Variants in ALG5 observed in about 807,000 individuals in gnomAD.
The protein encoded by ALG5 is ALG5 dolichyl-phosphate beta-glucosyltransferase, also known as dolichyl-phosphate beta-glucosyltransferase.
In ALG5, 26 loss-of-function variants were observed where a neutral mutation model predicts 51.8. That is an observed-to-expected ratio of 0.50 (90% CI 0.37 to 0.70). ALG5 has a LOEUF of 0.70. ALG5 is among the 30% of genes least tolerant of loss of function. The probability of loss-of-function intolerance (pLI) is 0.00; values close to 1 mark genes in which losing one functional copy is unlikely to be tolerated. For missense variants in ALG5, 311 were observed against 399.3 expected (o/e 0.78, Z 1.88); for synonymous variants, 141 against 136.1 (o/e 1.04, Z -0.25).
chr13:36,967,714 T>C (rs2138794372), intron 7 of ALG5: 2 of 730,514 alleles, frequency 2.7e-6, no homozygotes, highest in South Asian at 1.4e-5. Flanking sequence ...TAAAATACTT[T>C]AGGAATCTCA....
chr13:36,999,157 G>A (rs2059070664), intron 1 of ALG5, 78 bp downstream of exon 1: 10 of 1,326,096 alleles, frequency 7.5e-6, no homozygotes, highest in Non-Finnish European at 1.0e-5. Context: ...TAGCGCGGAG[G>A]AGGGGACGCC....
intron 7 of ALG5, among the ~76,000 whole-genome samples, chr13:36,969,521 T>TTTTATTTA (rs759883964): frequency 4.6e-5 from 7 of 151,758 alleles, no homozygotes; most frequent in Non-Finnish European, 1.5e-5. Context: ...TTTTTATTTA[T>TTTTATTTA]TTTATTTATT....
intron 6 of ALG5, among the ~76,000 whole-genome samples, chr13:36,980,367 TG>T (rs1415389621): frequency 2.0e-5 from 3 of 152,068 alleles, no homozygotes; most frequent in East Asian, 3.9e-4. Flanking sequence ...CCCGAGTAGC[TG>T]GGCTTACAGG....
chr13:36,953,230 G>C (rs572260167), intron 8 of ALG5, among the ~76,000 whole-genome samples: 208 of 152,278 alleles, frequency 1.4e-3, no homozygotes, highest in Middle Eastern at 3.4e-3. Context: ...ATAGGAATCT[G>C]ATATATTGTC....
rs147706418 is a variant in ALG5, at chr13:36,976,287, A to C, written c.562-4251T>G. Among the ~76,000 whole-genome samples, 6 of 150,906 alleles carry C rather than the reference A, an allele frequency of 4.0e-5. No homozygotes were observed. The East Asian group carries it at 1.2e-3, about 30-fold the overall frequency. ...ACTAAAAATACAAAAACTAGCCAGG[A>C]GTGGTGGTGCATGCCTGTAATCCCA... On this transcript the variant is annotated intron_variant, in intron 6 of 9. Coordinates refer to ENST00000239891, the MANE Select transcript of ALG5 (RefSeq NM_013338.5).
chr13:36,995,702 C>CA (rs2059046421), intron 1 of ALG5, 106 bp from the exon 2 acceptor site: 1 of 1,087,526 alleles, frequency 9.2e-7, no homozygotes, highest in Non-Finnish European at 1.3e-6. Flanking sequence ...GTTGAATACT[C>CA]ACTCTCAGGT....
chr13:36,976,886 C>G (rs1252223318), intron 6 of ALG5, among the ~76,000 whole-genome samples: 1 of 152,136 alleles, frequency 6.6e-6, no homozygotes, highest in Non-Finnish European at 1.5e-5. Flanking sequence ...GTTAAAAGTT[C>G]AAATAGCATA....
intron 8 of ALG5, among the ~76,000 whole-genome samples, chr13:36,960,972 A>G (rs932605945): frequency 6.6e-6 from 1 of 152,072 alleles, no homozygotes; most frequent in Admixed American, 6.6e-5. Flanking sequence ...ATAAATGGAA[A>G]GAATTTAGGT....
chr13:36,978,269 C>T (rs189423264), intron 6 of ALG5, among the ~76,000 whole-genome samples: 134 of 149,292 alleles, frequency 9.0e-4, no homozygotes, highest in Middle Eastern at 7.0e-3. Context: ...CTCACTGCAA[C>T]CTCCGCCTTC....
rs2058926232 is a variant in ALG5, at chr13:36,972,009, G to A, written c.589C>T (p.Arg197Ter). The change falls in exon 7 of 10, where the codon CGA becomes TGA. Residue 197 changes from arginine (R) to a stop codon, truncating the protein, a stop_gained. Coordinates refer to ENST00000239891, the MANE Select transcript of ALG5 (RefSeq NM_013338.5). LOFTEE classifies it high-confidence loss of function. ...PNQMAIACGSRAHLEKESIAQ... is the reference protein window; with the variant it reads ...PNQMAIACGS ...ATTGATTCTTTTTCTAAATGAGCTC[G>A]AGATCCACATGCTATAGCCATTTGA... 4 of 1,604,430 alleles carry A rather than the reference G, an allele frequency of 2.5e-6. No homozygotes were observed. Among genetic ancestry groups the A allele is most frequent in the Non-Finnish European group, 3.4e-6 (4 of 1,174,742 alleles).
chr13:36,990,276 C>T (rs2059020097), intron 4 of ALG5, among the ~76,000 whole-genome samples: 1 of 152,230 alleles, frequency 6.6e-6, no homozygotes, highest in African/African-American at 2.4e-5. Flanking sequence ...TTTCGGTCCA[C>T]TGTAGTAGGG....
chr13:36,957,106 C>T (rs1014283558), intron 8 of ALG5, among the ~76,000 whole-genome samples: 1 of 151,892 alleles, frequency 6.6e-6, no homozygotes, highest in Non-Finnish European at 1.5e-5. Context: ...GCATTGATAG[C>T]ACCCATCAGA....
In ALG5 at chr13:36,974,769, CAT is replaced by C. The variant is rs961968857; in HGVS notation, c.562-2735_562-2734del. On this transcript the variant is annotated intron_variant, in intron 6 of 9. Coordinates refer to ENST00000239891, the MANE Select transcript of ALG5 (RefSeq NM_013338.5). ...TTATTTTGAAAAAAATTCTAGATAT[CAT>C]ATGTTACAAATTCATATAATGTCAA... Among the ~76,000 whole-genome samples the C allele has an allele frequency of 2.4e-4, 36 of 151,614 alleles. No homozygotes were observed. The East Asian group carries it at 4.3e-3, about 18-fold the overall frequency.
chr13:36,984,100 ATTT>A (rs776760270), intron 6 of ALG5, among the ~76,000 whole-genome samples: 5 of 139,912 alleles, frequency 3.6e-5, no homozygotes, highest in Admixed American at 7.2e-5. Context: ...TAGTTCTGTA[ATTT>A]TTTTTTTTTT....
At chr13:36,995,326 A>G in intron 2 of ALG5, 99 bp downstream of exon 2, 1 of 1,260,150 alleles carries the variant, frequency 7.9e-7, no homozygotes, top group Non-Finnish European at 1.1e-6. Flanking sequence ...CACAGCCCAC[A>G]TCTATTAATG....
intron 3 of ALG5, 104 bp from the exon 4 acceptor site, chr13:36,993,776 A>AT (rs1242938905): frequency 3.4e-6 from 3 of 871,100 alleles, no homozygotes; most frequent in African/African-American, 3.4e-5. Flanking sequence ...GTGTTGATAC[A>AT]TATAAATTTG....
At chr13:36,980,487 A>G (rs2058974895) in intron 6 of ALG5, among the ~76,000 whole-genome samples, 1 of 152,078 alleles carries the variant, frequency 6.6e-6, no homozygotes, top group African/African-American at 2.4e-5. Context: ...ATGGCCTCTC[A>G]AAGCGCTGGG....
At chr13:36,957,439 T>G (rs1007455841) in intron 8 of ALG5, among the ~76,000 whole-genome samples, 11 of 152,098 alleles carry the variant, frequency 7.2e-5, no homozygotes, top group Non-Finnish European at 1.5e-4. Context: ...TCCCTGAGGC[T>G]TACAGAGTGA....
intron 7 of ALG5, chr13:36,968,151 T>C (rs543130937): frequency 1.9e-4 from 33 of 172,292 alleles, no homozygotes; most frequent in African/African-American, 9.6e-5. Flanking sequence ...TCTTAAAATT[T>C]AGAAGATACC....
Sources: gnomAD v4.1 joint callset for allele counts (sites outside exome capture counted in the v4.1 genomes callset) on GRCh38, gnomAD v4.1.1 for gene constraint, MANE v1.5 for transcripts, NCBI Gene and HGNC (gene_info 2026-07-23, HGNC 2026-07-21) for gene names.